LRP2: variants seen among roughly 807,000 people sequenced by gnomAD.
The protein encoded by LRP2 is low-density lipoprotein receptor-related protein 2.
In LRP2, 172 loss-of-function variants were observed where a neutral mutation model predicts 531.0. That is an observed-to-expected ratio of 0.32 (90% CI 0.29 to 0.37). The LOEUF is 0.37. Among genes scored for constraint, LRP2 ranks in the 10% least tolerant of loss-of-function variants. The pLI is 1.00. For missense variants in LRP2, 5,167 were observed against 5,868.3 expected (o/e 0.88, Z 3.90); for synonymous variants, 1,992 against 2,027.6 (o/e 0.98, Z 0.47).
chr2:169,282,934 C>T lies in LRP2; in HGVS notation c.1110G>A (p.Leu370=). 6.2e-7 allele frequency: 1 copy of T among 1,614,028 alleles called. No homozygotes were observed. The highest frequency in any genetic ancestry group is 8.5e-7 in the Non-Finnish European group (1 of 1,179,872). ...QKCESRPGRH[L]CHCEEGYILE... is the part of the protein sequence containing the mutation. ...AGATATACCCTTCTTCACAGTGGCA[C>T]AGGTGACGGCCAGGTCGGCTTTCAC... Residue 370 remains leucine, a synonymous_variant, in exon 10 of 79, where the codon CTG becomes CTA. Coordinates refer to ENST00000649046, the MANE Select transcript of LRP2 (RefSeq NM_004525.3).
chr2:169,273,524 C>T (rs1226022350), intron 14 of LRP2, among the ~76,000 whole-genome samples: 1 of 152,080 alleles, frequency 6.6e-6, no homozygotes, highest in Admixed American at 6.6e-5. Flanking sequence ...AGAGGAGAAA[C>T]CAAGAATCTA....
At chr2:169,288,563 G>A (rs984234850) in intron 9 of LRP2, among the ~76,000 whole-genome samples, 4 of 119,854 alleles carry the variant, frequency 3.3e-5, no homozygotes, top group African/African-American at 1.4e-4. Context: ...TGCTGTGTCA[G>A]GTAACAACTC....
rs528142787 is a variant in LRP2, at chr2:169,305,649, T to C, written c.427+1632A>G. Among the ~76,000 whole-genome samples, 145 of 152,306 alleles carry C rather than the reference T, an allele frequency of 9.5e-4. 2 individuals are homozygous for C. The highest frequency in any genetic ancestry group is 2.9e-3 in the African/African-American group (121 of 41,554). On this transcript the variant is annotated intron_variant, in intron 4 of 78. Coordinates refer to ENST00000649046, the MANE Select transcript of LRP2 (RefSeq NM_004525.3). ...ACACAAAAATCTGCTCACCAATTAA[T>C]GGAATACTGGGATAATTTCTTGAAG...
chr2:169,239,187 A>G (rs1689715619), intron 26 of LRP2, among the ~76,000 whole-genome samples: 1 of 152,256 alleles, frequency 6.6e-6, no homozygotes, highest in South Asian at 2.1e-4. Flanking sequence ...AAATTGAATT[A>G]ATACTGGTTG....
intron 61 of LRP2, 122 bp from the exon 62 acceptor site, chr2:169,166,176 T>A (rs1686776012): frequency 6.1e-6 from 6 of 981,792 alleles, no homozygotes; most frequent in Non-Finnish European, 4.8e-6. Context: ...ACTCATTTGA[T>A]TAATCAATCA....
intron 1 of LRP2, among the ~76,000 whole-genome samples, chr2:169,326,971 T>G (rs1685084326): frequency 7.3e-6 from 1 of 136,532 alleles, no homozygotes; most frequent in South Asian, 2.3e-4. Context: ...GAGGAGACCC[T>G]CCACCCAGCA....
intron 66 of LRP2, 54 bp from the exon 67 acceptor site, chr2:169,153,018 AG>A: frequency 6.5e-7 from 1 of 1,539,092 alleles, no homozygotes; most frequent in East Asian, 2.2e-5. Context: ...AAGTAAAGGA[AG>A]AACAGGGGTC....
At chr2:169,155,371 C>G (rs1353032461) in intron 65 of LRP2, among the ~76,000 whole-genome samples, 2 of 152,072 alleles carry the variant, frequency 1.3e-5, no homozygotes, top group Admixed American at 1.3e-4. Context: ...GCTTAATTAC[C>G]AGACCAACTG....
intron 44 of LRP2, among the ~76,000 whole-genome samples, chr2:169,200,919 T>C (rs897936130): frequency 6.6e-6 from 1 of 152,160 alleles, no homozygotes; most frequent in Non-Finnish European, 1.5e-5. Context: ...CAGAATCCAC[T>C]TAAAGTGGGG....
intron 4 of LRP2, among the ~76,000 whole-genome samples, chr2:169,299,086 GGAAA>G (rs767873350): frequency 5.9e-3 from 149 of 25,382 alleles, no homozygotes; most frequent in South Asian, 9.7e-3. Flanking sequence ...AAAGAAAGAA[GGAAA>G]GAAAGAAAGA....
At chr2:169,193,682 C>A in intron 47 of LRP2, 79 bp downstream of exon 47, 1 of 1,570,772 alleles carries the variant, frequency 6.4e-7, no homozygotes, top group Non-Finnish European at 8.8e-7. Flanking sequence ...TGCAATCATA[C>A]TCTCCAAACA....
intron 75 of LRP2, among the ~76,000 whole-genome samples, chr2:169,138,122 C>G (rs1399404404): frequency 6.6e-6 from 1 of 152,190 alleles, no homozygotes; most frequent in Admixed American, 6.5e-5. Context: ...TAGTAGGTGG[C>G]AGAGCCGTGG....
At chr2:169,132,428 TA>T in intron 77 of LRP2, 145 bp downstream of exon 77, 1 of 631,190 alleles carries the variant, frequency 1.6e-6, no homozygotes, top group South Asian at 1.8e-5. Flanking sequence ...TATGACTTTT[TA>T]AAAAATTATA....
chr2:169,277,248 A>G, intron 13 of LRP2, among the ~76,000 whole-genome samples: 1 of 152,070 alleles, frequency 6.6e-6, no homozygotes, highest in Admixed American at 6.6e-5. Flanking sequence ...TTGCTGTTTA[A>G]GTATCTTTGT....
At position 169,175,330 on chromosome 2, in the gene LRP2, T is replaced by C; in HGVS notation, c.10631A>G (p.Glu3544Gly). 6.2e-7 allele frequency: 1 copy of C among 1,614,182 alleles called. No homozygotes were observed. Among genetic ancestry groups the C allele is most frequent in the Non-Finnish European group, 8.5e-7 (1 of 1,180,038 alleles). ...GAAGCGCTGCGGGCAAAGGGCCAGT[T>C]CATCAGAGCCATCTGAGCAGTCTTT... ...GQKDCSDGSD[E>G]LALCPQRFCR... The change falls in exon 55 of 79, where the codon GAA (glutamate) becomes GGA (glycine). Residue 3544 changes from glutamate to glycine, a missense_variant. Glu to Gly is a moderately conservative substitution (Grantham distance 98). Coordinates refer to ENST00000649046, the MANE Select transcript of LRP2 (RefSeq NM_004525.3).
Position 169,132,717 on chromosome 2 carries a change from A to G in LRP2, c.13621-36T>C, listed in dbSNP as rs759158904. The G allele has an allele frequency of 8.9e-5, 88 of 991,710 alleles. 1 individual carries two copies. The South Asian group carries it at 1.1e-3, about 12-fold the overall frequency. The allele number at this position is 991,710 out of a possible 1,614,324, so 61.4% of individuals were successfully genotyped here. Reference sequence around the variant, plus strand: ...GTTAAAGGCCTTTACCCAATTTTGAAAGAATTTAGTAGTAAATAAATTTGC... The same window carrying G: ...GTTAAAGGCCTTTACCCAATTTTGAGAGAATTTAGTAGTAAATAAATTTGC... On this transcript the variant is annotated intron_variant, in intron 76 of 78. Coordinates refer to ENST00000649046, the MANE Select transcript of LRP2 (RefSeq NM_004525.3).
At chr2:169,147,855 C>T (rs929816592) in intron 68 of LRP2, among the ~76,000 whole-genome samples, 3 of 152,096 alleles carry the variant, frequency 2.0e-5, no homozygotes, top group Non-Finnish European at 4.4e-5. Context: ...GGCAGACCTA[C>T]CCAGTGTAAT....
At chr2:169,225,237 A>T in intron 33 of LRP2, 73 bp downstream of exon 33, 1 of 1,473,504 alleles carries the variant, frequency 6.8e-7, no homozygotes, top group Non-Finnish European at 9.5e-7. Context: ...TCCACGTGAG[A>T]TCTATTCCTG....
At chr2:169,314,224 C>T (rs910584770) in intron 3 of LRP2, among the ~76,000 whole-genome samples, 5 of 148,220 alleles carry the variant, frequency 3.4e-5, no homozygotes, top group Non-Finnish European at 7.4e-5. Flanking sequence ...TAGTGAGATC[C>T]TTATATCTTA....
Sources: allele counts gnomAD v4.1 joint callset (sites outside exome capture counted in the v4.1 genomes callset), GRCh38; gene constraint gnomAD v4.1.1; transcripts MANE v1.5; gene names NCBI Gene and HGNC (gene_info 2026-07-23, HGNC 2026-07-21).